Variants in DROSHA observed in about 807,000 individuals in gnomAD.
DROSHA encodes ribonuclease 3.
DROSHA carries 56 observed loss-of-function variants against 181.9 expected under a neutral mutation model. The ratio of observed to expected loss-of-function variants is 0.31; its 90% CI spans 0.25 to 0.38. The LOEUF is 0.38. Ranked by LOEUF, DROSHA falls within the 10% of genes least tolerant of loss-of-function variation. DROSHA has a pLI of 1.00. For missense variants in DROSHA, 1,218 were observed against 1,743.5 expected (o/e 0.70, Z 5.37); for synonymous variants, 524 against 591.2 (o/e 0.89, Z 1.65).
chr5:31,521,063 C>T, intron 6 of DROSHA, 60 bp downstream of exon 6: 2 of 1,577,828 alleles, frequency 1.3e-6, no homozygotes, highest in Non-Finnish European at 1.7e-6. Flanking sequence ...CATACAAGCA[C>T]AAAATCTGAA....
At chr5:31,509,390 T>G (rs1738395484) in intron 9 of DROSHA, among the ~76,000 whole-genome samples, 1 of 152,126 alleles carries the variant, frequency 6.6e-6, no homozygotes, top group African/African-American at 2.4e-5. Context: ...AGTTTAACAC[T>G]TAAGCTATGT....
intron 16 of DROSHA, among the ~76,000 whole-genome samples, chr5:31,481,803 G>A (rs559888873): frequency 6.6e-6 from 1 of 152,156 alleles, no homozygotes; most frequent in Non-Finnish European, 1.5e-5. Context: ...CACACAAGAG[G>A]AGTCAAAGAG....
At chr5:31,490,075 T>A (rs946646193) in intron 13 of DROSHA, among the ~76,000 whole-genome samples, 30 of 151,698 alleles carry the variant, frequency 2.0e-4, no homozygotes, top group Non-Finnish European at 1.0e-4. Context: ...AGGGTTTCAC[T>A]ATATTGGCCA....
At chr5:31,482,858 T>C (rs1015505705) in intron 16 of DROSHA, among the ~76,000 whole-genome samples, 4 of 152,052 alleles carry the variant, frequency 2.6e-5, no homozygotes, top group African/African-American at 9.7e-5. Flanking sequence ...CTTGCCATGT[T>C]GCTCAAGCTG....
At chr5:31,427,071 TG>T (rs1743561450) in intron 27 of DROSHA, among the ~76,000 whole-genome samples, 1 of 152,130 alleles carries the variant, frequency 6.6e-6, no homozygotes, top group Non-Finnish European at 1.5e-5. Flanking sequence ...TTAAAAGTGA[TG>T]GGTTCAATGT....
intron 25 of DROSHA, among the ~76,000 whole-genome samples, chr5:31,434,182 G>A (rs1207210294): frequency 1.3e-5 from 2 of 152,160 alleles, no homozygotes; most frequent in Non-Finnish European, 2.9e-5. Context: ...GCACCCAATG[G>A]GTTATATAAT....
chr5:31,476,507 C>T (rs1004158684), intron 16 of DROSHA, among the ~76,000 whole-genome samples: 4 of 152,166 alleles, frequency 2.6e-5, no homozygotes, highest in Non-Finnish European at 5.9e-5. Context: ...TATACATATA[C>T]ACACATCAGG....
intron 4 of DROSHA, among the ~76,000 whole-genome samples, chr5:31,527,292 C>G (rs533040724): frequency 1.3e-5 from 2 of 152,214 alleles, no homozygotes; most frequent in African/African-American, 4.8e-5. Flanking sequence ...CCCCAGCCCC[C>G]ACTCCCATCT....
At chr5:31,427,000 A>G (rs565772917) in intron 27 of DROSHA, among the ~76,000 whole-genome samples, 97 of 152,316 alleles carry the variant, frequency 6.4e-4, no homozygotes, top group African/African-American at 2.3e-3. Context: ...AGGGACAAAA[A>G]TAAATCCTAA....
intron 21 of DROSHA, among the ~76,000 whole-genome samples, chr5:31,449,898 C>T (rs1746757750): frequency 6.6e-6 from 1 of 152,102 alleles, no homozygotes; most frequent in African/African-American, 2.4e-5. Flanking sequence ...AAAATACTTG[C>T]ATACTATATA....
At chr5:31,519,199 C>T (rs1739598786) in intron 6 of DROSHA, among the ~76,000 whole-genome samples, 1 of 152,120 alleles carries the variant, frequency 6.6e-6, no homozygotes. Context: ...AGAGAAGAAA[C>T]CATTAAACCG....
At position 31,508,605 on chromosome 5, in the gene DROSHA, G is replaced by T; in HGVS notation, c.1587+16C>A. ...TGGGTTTGCAACCTTCACAGCAAGG[G>T]CATAAAAACACGCACCTGGCCTGGA... On this transcript the variant is annotated intron_variant, in intron 10 of 35. Coordinates refer to ENST00000344624, the MANE Select transcript of DROSHA (RefSeq NM_001382508.1). 1 of 1,613,804 alleles carries T rather than the reference G, an allele frequency of 6.2e-7. No homozygotes were observed. The highest frequency in any genetic ancestry group is 1.1e-5 in the South Asian group (1 of 91,070).
chr5:31,416,974 G>A (rs575245773), intron 30 of DROSHA, among the ~76,000 whole-genome samples: 51 of 152,290 alleles, frequency 3.3e-4, no homozygotes, highest in Non-Finnish European at 6.8e-4. Context: ...TGGCCTTCAT[G>A]GAGTTTACAC....
intron 5 of DROSHA, 45 bp from the exon 6 acceptor site, chr5:31,521,260 A>C (rs1369456184): frequency 1.3e-6 from 2 of 1,590,640 alleles, no homozygotes; most frequent in African/African-American, 2.7e-5. Context: ...AGAAAGACTC[A>C]AAAACACCAT....
At chr5:31,510,492 C>A (rs1437776478) in intron 9 of DROSHA, among the ~76,000 whole-genome samples, 1 of 152,168 alleles carries the variant, frequency 6.6e-6, no homozygotes, top group Non-Finnish European at 1.5e-5. Flanking sequence ...CTGTTAGGGG[C>A]TAAGGATACA....
chr5:31,515,615 A>C, intron 6 of DROSHA, 51 bp from the exon 7 acceptor site: 1 of 1,546,326 alleles, frequency 6.5e-7, no homozygotes, highest in Non-Finnish European at 8.7e-7. Context: ...ACATATGGAC[A>C]ATTTCAGCAA....
At chr5:31,503,796 C>T (rs1737592159) in intron 11 of DROSHA, among the ~76,000 whole-genome samples, 1 of 152,196 alleles carries the variant, frequency 6.6e-6, no homozygotes, top group African/African-American at 2.4e-5. Flanking sequence ...GCTACACTTG[C>T]CAACTTTCAA....
chr5:31,417,410 T>C (rs1742077531), intron 30 of DROSHA, among the ~76,000 whole-genome samples: 1 of 152,172 alleles, frequency 6.6e-6, no homozygotes, highest in South Asian at 2.1e-4. Context: ...AAGAGGAATG[T>C]AATCCGGCTT....
rs58316191 is a variant in DROSHA, at chr5:31,431,366, C to CAAAAA, written c.3145+205_3145+209dup. ...AGACACCAATTCAGGCAGTAGAATG[C>CAAAAA]AAAAAAAAAAAAAAAAAAAAAAAGA... is the stretch of plus-strand genomic sequence containing the variant. On this transcript the variant is annotated intron_variant, in intron 26 of 35. Coordinates refer to ENST00000344624, the MANE Select transcript of DROSHA (RefSeq NM_001382508.1). Among the ~76,000 whole-genome samples the CAAAAA allele has an allele frequency of 2.4e-3, 139 of 57,666 alleles. 2 individuals carry two copies. The highest frequency in any genetic ancestry group is 7.7e-3 in the African/African-American group (115 of 14,862). The allele number at this position is 57,666 out of a possible 152,430, so 37.8% of individuals were successfully genotyped here.
Sources: gnomAD v4.1 joint callset for allele counts (sites outside exome capture counted in the v4.1 genomes callset) on GRCh38, gnomAD v4.1.1 for gene constraint, MANE v1.5 for transcripts, NCBI Gene and HGNC (gene_info 2026-07-23, HGNC 2026-07-21) for gene names.